The following NRG3 variants were observed in gnomAD, a reference collection of about 807,000 sequenced individuals.
NRG3 encodes pro-neuregulin-3, membrane-bound isoform.
In NRG3, 31 loss-of-function variants were observed where a neutral mutation model predicts 66.9. The ratio of observed to expected loss-of-function variants is 0.46; its 90% CI spans 0.35 to 0.63. NRG3 has a LOEUF of 0.63. NRG3 is among the 20% of genes least tolerant of loss of function. The pLI is 0.00. For missense variants in NRG3, 910 were observed against 878.9 expected (o/e 1.04, Z -0.45); for synonymous variants, 393 against 359.4 (o/e 1.09, Z -1.06).
At chr10:82,388,989 AT>A (rs2086186834) in intron 2 of NRG3, among the ~76,000 whole-genome samples, 2 of 152,198 alleles carry the variant, frequency 1.3e-5, no homozygotes, top group South Asian at 4.1e-4. Context: ...TTAAACCAAG[AT>A]TCTAGAACCA....
At chr10:82,479,605 G>GGTGAGCC (rs1590278455) in intron 2 of NRG3, among the ~76,000 whole-genome samples, 1 of 147,516 alleles carries the variant, frequency 6.8e-6, no homozygotes, top group Non-Finnish European at 1.5e-5. Context: ...CAGAGGTTGC[G>GGTGAGCC]GTGAGCCGAG....
intron 5 of NRG3, among the ~76,000 whole-genome samples, chr10:82,953,161 G>C (rs932376121): frequency 1.3e-5 from 2 of 151,946 alleles, no homozygotes; most frequent in Non-Finnish European, 2.9e-5. Context: ...TGTGGCAGTT[G>C]TAACTATCAA....
chr10:82,078,920 T>A (rs780402138), intron 1 of NRG3, among the ~76,000 whole-genome samples: 7 of 152,170 alleles, frequency 4.6e-5, no homozygotes, highest in Non-Finnish European at 8.8e-5. Context: ...GTTGGTGACT[T>A]CCTTGAGTTG....
At chr10:82,581,177 A>C (rs2046336897) in intron 2 of NRG3, among the ~76,000 whole-genome samples, 1 of 151,922 alleles carries the variant, frequency 6.6e-6, no homozygotes, top group African/African-American at 2.4e-5. Flanking sequence ...CAATTCACTA[A>C]TGACATGTGA....
chr10:82,574,764 C>A (rs1015902359), intron 2 of NRG3, among the ~76,000 whole-genome samples: 3 of 151,712 alleles, frequency 2.0e-5, no homozygotes, highest in African/African-American at 7.2e-5. Context: ...ATAGATAAAC[C>A]TAAAGTTTAT....
At position 82,211,974 on chromosome 10, in the gene NRG3, T is replaced by C. The variant is rs146059788; in HGVS notation, c.824-146765T>C. 2.0e-3 allele frequency among the ~76,000 whole-genome samples: 303 copies of C among 152,202 alleles called. 2 individuals are homozygous for C. Among genetic ancestry groups the C allele is most frequent in the African/African-American group, 6.7e-3 (278 of 41,536 alleles). On this transcript the variant is annotated intron_variant, in intron 1 of 8. Coordinates refer to ENST00000372141, the MANE Select transcript of NRG3 (RefSeq NM_001010848.4). ...CAAAGATTGCTGAGGTTTGATGGAG[T>C]GCTGTGCTCTCAGTATGGAGTAGGG...
At chr10:82,980,920 A>C (rs1852811820) in intron 8 of NRG3, among the ~76,000 whole-genome samples, 1 of 152,210 alleles carries the variant, frequency 6.6e-6, no homozygotes, top group African/African-American at 2.4e-5. Flanking sequence ...ATAAATAACT[A>C]ATGATGCCTC....
At chr10:82,522,033 T>A (rs1846238407) in intron 2 of NRG3, among the ~76,000 whole-genome samples, 1 of 146,524 alleles carries the variant, frequency 6.8e-6, no homozygotes, top group African/African-American at 2.5e-5. Context: ...ACTTTTCCGC[T>A]GAAGTCTTTT....
In NRG3 at chr10:82,869,562, TTTTTA is replaced by T. The variant is rs1240025252; in HGVS notation, c.1054+4129_1054+4133del. Among the ~76,000 whole-genome samples the T allele has an allele frequency of 6.3e-4, 90 of 143,372 alleles. No homozygotes were observed. In the East Asian group the frequency reaches 0.018, roughly 28 times the overall value. The allele number at this position is 143,372 out of a possible 152,430, so 94.1% of individuals were successfully genotyped here. A position where few individuals can be genotyped will look rare whatever the true frequency, so the allele number is the denominator to read the frequency against. The stretch of plus-strand genomic sequence containing the variant: ...CTTGCCTTTCCCCAACCACTGGTCT[TTTTTA>T]TTTATTTTATTTTATTTTATTTTAT... On this transcript the variant is annotated intron_variant, in intron 4 of 8. Transcript: ENST00000372141.
intron 2 of NRG3, among the ~76,000 whole-genome samples, chr10:82,416,084 T>C (rs1456200156): frequency 6.6e-6 from 1 of 152,212 alleles, no homozygotes; most frequent in Non-Finnish European, 1.5e-5. Flanking sequence ...CTTCCCAGGA[T>C]TCAAAGTATA....
chr10:82,149,706 T>G (rs943584808), intron 1 of NRG3, among the ~76,000 whole-genome samples: 9 of 140,924 alleles, frequency 6.4e-5, no homozygotes, highest in African/African-American at 2.4e-4. Context: ...TAGAAAGCTC[T>G]GTTTTTTTTT....
chr10:82,883,084 A>G (rs7069330), intron 4 of NRG3, among the ~76,000 whole-genome samples: 27,476 of 152,208 alleles, frequency 0.18, 2,557 homozygotes, highest in Middle Eastern at 0.27. Flanking sequence ...GATGCTCTCA[A>G]TGTGTAGAAG....
chr10:82,254,674 C>CAA (rs35845064), intron 1 of NRG3, among the ~76,000 whole-genome samples: 1 of 150,310 alleles, frequency 6.7e-6, no homozygotes, highest in Non-Finnish European at 1.5e-5. Context: ...CACACACACA[C>CAA]AAAACAAAAA....
chr10:81,887,429 A>C (rs1330350374), intron 1 of NRG3, among the ~76,000 whole-genome samples: 8 of 152,166 alleles, frequency 5.3e-5, no homozygotes, highest in African/African-American at 1.9e-4. Flanking sequence ...TACACATATT[A>C]ATCAACTATC....
intron 2 of NRG3, among the ~76,000 whole-genome samples, chr10:82,366,840 T>C (rs909385568): frequency 4.6e-5 from 7 of 152,230 alleles, no homozygotes; most frequent in African/African-American, 1.7e-4. Context: ...AGTTTAGCTA[T>C]CTGTATACTT....
At chr10:82,892,401 C>T (rs535475562) in intron 4 of NRG3, among the ~76,000 whole-genome samples, 89 of 152,226 alleles carry the variant, frequency 5.8e-4, no homozygotes, top group Admixed American at 1.8e-3. Context: ...TGGTGGCTCA[C>T]GCCTGTAATC....
chr10:82,470,416 G>A (rs775999970), intron 2 of NRG3, among the ~76,000 whole-genome samples: 3 of 152,088 alleles, frequency 2.0e-5, no homozygotes, highest in Admixed American at 2.0e-4. Flanking sequence ...AATATGAGAC[G>A]GAATGTGTAA....
intron 1 of NRG3, among the ~76,000 whole-genome samples, chr10:82,035,885 C>T (rs1206962831): frequency 1.3e-5 from 2 of 152,072 alleles, no homozygotes; most frequent in South Asian, 2.1e-4. Flanking sequence ...GACTTCCTAA[C>T]AAAACACATA....
chr10:82,945,996 A>C (rs1243084523), intron 4 of NRG3, among the ~76,000 whole-genome samples: 1 of 152,096 alleles, frequency 6.6e-6, no homozygotes, highest in Non-Finnish European at 1.5e-5. Context: ...TAACATGAAC[A>C]ATTCTGTAAA....
Sources: gnomAD v4.1 joint callset for allele counts (sites outside exome capture counted in the v4.1 genomes callset) on GRCh38, gnomAD v4.1.1 for gene constraint, MANE v1.5 for transcripts, NCBI Gene and HGNC (gene_info 2026-07-23, HGNC 2026-07-21) for gene names.